CAMKMT: variants seen among roughly 807,000 people sequenced by gnomAD.
CAMKMT encodes the protein CaM KMT.
CAMKMT carries 53 observed loss-of-function variants against 48.0 expected under a neutral mutation model. The observed-to-expected ratio is 1.10, with a 90% CI of 0.89 to 1.39. The LOEUF (loss-of-function observed/expected upper bound fraction) is 1.39, where lower values mean the gene tolerates loss of function less well. Ranked by LOEUF, CAMKMT falls within the 40% of genes most tolerant of loss-of-function variation. CAMKMT has a pLI of 0.00. For synonymous variants in CAMKMT, 165 were observed against 152.3 expected (o/e 1.08, Z -0.61); for missense variants, 428 against 402.7 (o/e 1.06, Z -0.54).
At chr2:44,427,261 A>G (rs1684335998) in intron 3 of CAMKMT, among the ~76,000 whole-genome samples, 1 of 152,240 alleles carries the variant, frequency 6.6e-6, no homozygotes, top group African/African-American at 2.4e-5. Context: ...CAAATAATGT[A>G]CGACCAAGTC....
intron 3 of CAMKMT, among the ~76,000 whole-genome samples, chr2:44,446,255 T>A (rs907093004): frequency 3.9e-5 from 6 of 152,050 alleles, no homozygotes; most frequent in African/African-American, 1.4e-4. Flanking sequence ...GCAACAGATA[T>A]TTACTGAATG....
At chr2:44,674,177 G>GT (rs1675531699) in intron 3 of CAMKMT, among the ~76,000 whole-genome samples, 2 of 152,276 alleles carry the variant, frequency 1.3e-5, no homozygotes, top group Admixed American at 1.3e-4. Flanking sequence ...CATGCTATAT[G>GT]TAAGAGTCAA....
chr2:44,675,134 A>G (rs942986461), intron 3 of CAMKMT, among the ~76,000 whole-genome samples: 2 of 151,012 alleles, frequency 1.3e-5, no homozygotes, highest in African/African-American at 4.9e-5. Context: ...ATCTTCCCTT[A>G]CTCTACATTC....
intron 3 of CAMKMT, among the ~76,000 whole-genome samples, chr2:44,436,780 A>G (rs1233921861): frequency 6.6e-6 from 1 of 152,132 alleles, no homozygotes. Flanking sequence ...CATAATAGTG[A>G]CTTTTAAACA....
chr2:44,647,205 C>T (rs1001916426), intron 3 of CAMKMT, among the ~76,000 whole-genome samples: 6 of 152,198 alleles, frequency 3.9e-5, no homozygotes, highest in African/African-American at 2.4e-5. Flanking sequence ...TGGTCAACTA[C>T]AATAACTCCA....
At chr2:44,402,779 C>A (rs1315672191) in intron 3 of CAMKMT, among the ~76,000 whole-genome samples, 4 of 91,400 alleles carry the variant, frequency 4.4e-5, no homozygotes, top group Non-Finnish European at 9.5e-5. Flanking sequence ...TTACTTTTAA[C>A]CTTTCTGTTG....
At chr2:44,417,330 G>A (rs1337444250) in intron 3 of CAMKMT, among the ~76,000 whole-genome samples, 2 of 152,094 alleles carry the variant, frequency 1.3e-5, no homozygotes, top group African/African-American at 2.4e-5. Context: ...GGGAGGCAGA[G>A]GTTGCAGTGA....
At chr2:44,400,930 G>GTATATATATATATA (rs755352747) in intron 3 of CAMKMT, 23 of 64,240 alleles carry the variant, frequency 3.6e-4, no homozygotes, top group Non-Finnish European at 4.8e-4. Flanking sequence ...TTATGTGTGT[G>GTATATATATATATA]TATATATATA....
rs965328598 is a variant in CAMKMT, at chr2:44,381,615, C to T, written c.312-8626C>T. Among the ~76,000 whole-genome samples, 12 of 152,264 alleles carry T rather than the reference C, an allele frequency of 7.9e-5. No individual in the cohort carries two copies. The East Asian group carries it at 2.1e-3, about 27-fold the overall frequency. On this transcript the variant is annotated intron_variant, in intron 2 of 10. Transcript: ENST00000378494. ...CTGGTTCAATAAATTATGGTGCAGA[C>T]ATCCATTGAACTTGGCAGCCATTAA...
intron 3 of CAMKMT, among the ~76,000 whole-genome samples, chr2:44,432,355 C>G (rs1365287227): frequency 6.6e-6 from 1 of 152,166 alleles, no homozygotes; most frequent in Non-Finnish European, 1.5e-5. Flanking sequence ...ATTGGAAACT[C>G]TCAACCCCTG....
At chr2:44,546,399 C>A (rs1043432766) in intron 3 of CAMKMT, among the ~76,000 whole-genome samples, 14 of 152,190 alleles carry the variant, frequency 9.2e-5, no homozygotes, top group Admixed American at 1.3e-4. Context: ...CCTCATTCTG[C>A]CACGACCATT....
intron 3 of CAMKMT, among the ~76,000 whole-genome samples, chr2:44,403,346 C>T (rs552754082): frequency 2.0e-5 from 3 of 152,140 alleles, no homozygotes; most frequent in South Asian, 4.1e-4. Context: ...TTGAGCTGCA[C>T]GAATGCCTTC....
At chr2:44,566,555 A>G (rs1668628721) in intron 3 of CAMKMT, among the ~76,000 whole-genome samples, 1 of 152,156 alleles carries the variant, frequency 6.6e-6, no homozygotes, top group South Asian at 2.1e-4. Flanking sequence ...GTGAGCCATA[A>G]GGCCACCGTG....
At chr2:44,655,344 T>G (rs960608011) in intron 3 of CAMKMT, among the ~76,000 whole-genome samples, 4 of 152,216 alleles carry the variant, frequency 2.6e-5, no homozygotes, top group African/African-American at 9.7e-5. Flanking sequence ...GTAATAATAA[T>G]GATACATTAT....
chr2:44,570,571 G>T lies in CAMKMT; in HGVS notation c.377-133712G>T, dbSNP rs531608086. On this transcript the variant is annotated intron_variant, in intron 3 of 10. Coordinates refer to ENST00000378494, the MANE Select transcript of CAMKMT (RefSeq NM_024766.5). The stretch of plus-strand genomic sequence containing the variant: ...TCTGTGCCGTCAGAGCTAAATTAGT[G>T]TTTATTATTTTTGATGCTAACCAAA... Among the ~76,000 whole-genome samples the T allele has an allele frequency of 2.0e-5, 3 of 152,236 alleles. No homozygotes were observed. In the East Asian group the frequency reaches 5.8e-4, roughly 29 times the overall value.
intron 3 of CAMKMT, among the ~76,000 whole-genome samples, chr2:44,581,083 C>T (rs1397247311): frequency 6.6e-6 from 1 of 152,042 alleles, no homozygotes; most frequent in Non-Finnish European, 1.5e-5. Flanking sequence ...TTGTGGTTGA[C>T]TACACAAATG....
At chr2:44,627,541 G>T (rs368616082) in intron 3 of CAMKMT, among the ~76,000 whole-genome samples, 1 of 151,778 alleles carries the variant, frequency 6.6e-6, no homozygotes, top group African/African-American at 2.4e-5. Context: ...AAAAAGTTTC[G>T]TTCACAGATT....
chr2:44,742,456 T>C (rs968001302), intron 7 of CAMKMT, among the ~76,000 whole-genome samples: 4 of 152,084 alleles, frequency 2.6e-5, no homozygotes, highest in Non-Finnish European at 5.9e-5. Context: ...GCGTAGGAAT[T>C]GGGGGTTTCT....
chr2:44,383,309 C>T (rs1406819157), intron 2 of CAMKMT, among the ~76,000 whole-genome samples: 4 of 152,000 alleles, frequency 2.6e-5, no homozygotes, highest in East Asian at 1.9e-4. Flanking sequence ...GGACTACAGG[C>T]GCATGCCACC....
Sources: allele counts gnomAD v4.1 joint callset (sites outside exome capture counted in the v4.1 genomes callset), GRCh38; gene constraint gnomAD v4.1.1; transcripts MANE v1.5; gene names NCBI Gene and HGNC (gene_info 2026-07-23, HGNC 2026-07-21).